The following ANO6 variants were observed in gnomAD, a reference collection of about 807,000 sequenced individuals.
ANO6 encodes the protein anoctamin 6.
ANO6 carries 106 observed loss-of-function variants against 117.5 expected under a neutral mutation model. The observed-to-expected ratio is 0.90, with a 90% CI of 0.77 to 1.06. The LOEUF (loss-of-function observed/expected upper bound fraction) is 1.06. Ranked by LOEUF, ANO6 falls within the 50% of genes least tolerant of loss-of-function variation. The pLI, the probability that ANO6 is intolerant of heterozygous loss-of-function variation, is 0.00. For synonymous variants in ANO6, 367 were observed against 385.1 expected, an observed-to-expected ratio of 0.95 and a Z score of 0.55; for missense variants, 955 against 1,121.1, an observed-to-expected ratio of 0.85 and a Z score of 2.12.
chr12:45,383,097 A>G, intron 10 of ANO6: 1 of 190,564 alleles, frequency 5.2e-6, no homozygotes, highest in Admixed American at 5.6e-5. Context: ...TTTATCTACT[A>G]AGTTTGTGTG....
intron 11 of ANO6, among the ~76,000 whole-genome samples, chr12:45,389,041 C>T (rs910562545): frequency 6.6e-6 from 1 of 152,174 alleles, no homozygotes; most frequent in African/African-American, 2.4e-5. Flanking sequence ...TTGCAGTCAT[C>T]AGCATAAGAA....
At chr12:45,397,822 G>A (rs979367239) in intron 12 of ANO6, among the ~76,000 whole-genome samples, 1 of 152,168 alleles carries the variant, frequency 6.6e-6, no homozygotes, top group Non-Finnish European at 1.5e-5. Flanking sequence ...ATCACATAGT[G>A]GGGCCTGTTG....
At chr12:45,290,746 A>G (rs1939066665) in intron 1 of ANO6, among the ~76,000 whole-genome samples, 1 of 152,256 alleles carries the variant, frequency 6.6e-6, no homozygotes, top group African/African-American at 2.4e-5. Flanking sequence ...TAAGTTTTTA[A>G]AAGTCTGTTT....
At chr12:45,286,987 C>G (rs1017085721) in intron 1 of ANO6, among the ~76,000 whole-genome samples, 1 of 152,184 alleles carries the variant, frequency 6.6e-6, no homozygotes, top group African/African-American at 2.4e-5. Context: ...GTCAGTCATT[C>G]AAGAGATTAA....
chr12:45,251,752 A>C (rs1289551931), intron 1 of ANO6, among the ~76,000 whole-genome samples: 1 of 152,182 alleles, frequency 6.6e-6, no homozygotes, highest in Non-Finnish European at 1.5e-5. Context: ...AGGAGTTTTA[A>C]AGGCTATGTT....
intron 1 of ANO6, among the ~76,000 whole-genome samples, chr12:45,237,290 A>G (rs1190190833): frequency 6.6e-6 from 1 of 152,178 alleles, no homozygotes; most frequent in Non-Finnish European, 1.5e-5. Context: ...TTAGACATGA[A>G]GTCCTTGCTG....
At chr12:45,228,409 G>T (rs7313630) in intron 1 of ANO6, 15 of 230,580 alleles carry the variant, frequency 6.5e-5, no homozygotes, top group Non-Finnish European at 1.3e-4. Flanking sequence ...AAAGTGCTGA[G>T]ATTACAGGTG....
At chr12:45,353,247 C>G (rs564079896) in intron 7 of ANO6, among the ~76,000 whole-genome samples, 1 of 151,752 alleles carries the variant, frequency 6.6e-6, no homozygotes, top group African/African-American at 2.4e-5. Flanking sequence ...CTCGGATTCC[C>G]TTGTCATTCA....
intron 2 of ANO6, among the ~76,000 whole-genome samples, chr12:45,317,113 G>GTGTGTGTATATATATATATA: frequency 0.017 from 1,139 of 66,414 alleles, 349 homozygotes; most frequent in East Asian, 0.082. Flanking sequence ...CTTTTTATAT[G>GTGTGTGTATATATATATATA]TATATATATA....
At chr12:45,277,502 T>C (rs1461206465) in intron 1 of ANO6, among the ~76,000 whole-genome samples, 2 of 152,214 alleles carry the variant, frequency 1.3e-5, no homozygotes, top group African/African-American at 4.8e-5. Flanking sequence ...GGATTCCTTT[T>C]CACCACCATC....
At chr12:45,288,589 C>A (rs1352198428) in intron 1 of ANO6, among the ~76,000 whole-genome samples, 1 of 152,154 alleles carries the variant, frequency 6.6e-6, no homozygotes, top group Admixed American at 6.5e-5. Flanking sequence ...CTTTTTAAAG[C>A]TGAATAATAC....
chr12:45,255,574 C>T (rs760351921), intron 1 of ANO6, among the ~76,000 whole-genome samples: 1 of 152,040 alleles, frequency 6.6e-6, no homozygotes, highest in Non-Finnish European at 1.5e-5. Flanking sequence ...AAGGAAGCAT[C>T]GTGGAATCAT....
intron 12 of ANO6, among the ~76,000 whole-genome samples, chr12:45,395,279 A>G (rs576872705): frequency 6.6e-6 from 1 of 152,320 alleles, no homozygotes; most frequent in East Asian, 1.9e-4. Context: ...CACCCTCCCA[A>G]CACTAAACCA....
intron 1 of ANO6, among the ~76,000 whole-genome samples, chr12:45,266,658 G>C (rs140077614): frequency 6.6e-6 from 1 of 152,090 alleles, no homozygotes; most frequent in African/African-American, 2.4e-5. Context: ...TTAGCTGAGC[G>C]TGGTAGCATG....
Position 45,302,037 on chromosome 12 carries a change from A to G in ANO6, c.94A>G (p.Ile32Val), listed in dbSNP as rs147136935. 1.2e-5 allele frequency: 19 copies of G among 1,613,808 alleles called. No individual in the cohort carries two copies. Among genetic ancestry groups the G allele is most frequent in the South Asian group, 6.6e-5 (6 of 91,092 alleles). ...DIVLENLGQT[I>V]VPDLGSLESQ... Reference sequence around the variant, plus strand: ...AGTGTTGGAAAACCTTGGACAGACAATTGTCCCCGATTTGGGATCACTGGA... The same window carrying G: ...AGTGTTGGAAAACCTTGGACAGACAGTTGTCCCCGATTTGGGATCACTGGA... Residue 32 changes from isoleucine (I) to valine (V), a missense_variant, in exon 2 of 20, where the codon ATT (isoleucine) becomes GTT (valine). Coordinates refer to ENST00000320560, the MANE Select transcript of ANO6 (RefSeq NM_001025356.3).
At chr12:45,221,966 C>T (rs1282565810) in intron 1 of ANO6, among the ~76,000 whole-genome samples, 2 of 150,648 alleles carry the variant, frequency 1.3e-5, no homozygotes, top group African/African-American at 4.9e-5. Flanking sequence ...ACGGCAAGCT[C>T]CGCCTCTTGG....
chr12:45,219,779 G>A (rs1035227871), intron 1 of ANO6, among the ~76,000 whole-genome samples: 4 of 152,108 alleles, frequency 2.6e-5, no homozygotes, highest in African/African-American at 4.8e-5. Flanking sequence ...TTCCAAAGGC[G>A]TGCTTGTGTG....
At chr12:45,378,004 C>T (rs767278891) in intron 9 of ANO6, 49 bp from the exon 10 acceptor site, 1 of 1,520,968 alleles carries the variant, frequency 6.6e-7, no homozygotes, top group South Asian at 1.1e-5. Context: ...TTACTGAATC[C>T]TAATAAGTGG....
At chr12:45,363,550 T>G in intron 8 of ANO6, among the ~76,000 whole-genome samples, 2 of 147,058 alleles carry the variant, frequency 1.4e-5, no homozygotes, top group Admixed American at 6.8e-5. Context: ...GGCAACAGAG[T>G]GAGACTCTGT....
Sources: allele counts gnomAD v4.1 joint callset (sites outside exome capture counted in the v4.1 genomes callset), GRCh38; gene constraint gnomAD v4.1.1; transcripts MANE v1.5; gene names NCBI Gene and HGNC (gene_info 2026-07-23, HGNC 2026-07-21).